The following SCTR variants were observed in gnomAD, a reference collection of about 807,000 sequenced individuals.
The protein encoded by SCTR is secretin receptor.
In SCTR, 56 loss-of-function variants were observed where a neutral mutation model predicts 60.8. The observed-to-expected ratio is 0.92, with a 90% CI of 0.74 to 1.15. The LOEUF (loss-of-function observed/expected upper bound fraction) is 1.15. Among genes scored for constraint, SCTR ranks in the 50% most tolerant of loss-of-function variants. The pLI is 0.00. For missense variants in SCTR, 562 were observed against 550.4 expected, an observed-to-expected ratio of 1.02 and a Z score of -0.21; for synonymous variants, 202 against 217.0, an observed-to-expected ratio of 0.93 and a Z score of 0.61.
intron 11 of SCTR, among the ~76,000 whole-genome samples, chr2:119,445,032 T>A (rs934973392): frequency 6.6e-6 from 1 of 150,902 alleles, no homozygotes; most frequent in Admixed American, 6.6e-5. Context: ...AAAGATCCTT[T>A]TTCTTCATCA....
intron 1 of SCTR, among the ~76,000 whole-genome samples, chr2:119,504,224 T>C (rs1489460040): frequency 1.3e-5 from 2 of 152,210 alleles, no homozygotes; most frequent in Non-Finnish European, 2.9e-5. Flanking sequence ...AAATGAACCT[T>C]GAGCTCAGTC....
chr2:119,481,975 C>T (rs1677629926), intron 2 of SCTR, among the ~76,000 whole-genome samples: 1 of 152,166 alleles, frequency 6.6e-6, no homozygotes, highest in South Asian at 2.1e-4. Context: ...CATGGCGGTG[C>T]CCCCAGTTCC....
At chr2:119,507,116 A>G (rs1295846635) in intron 1 of SCTR, among the ~76,000 whole-genome samples, 1 of 152,256 alleles carries the variant, frequency 6.6e-6, no homozygotes, top group Non-Finnish European at 1.5e-5. Flanking sequence ...AGACAACTTA[A>G]TTATCTGAGT....
chr2:119,469,504 T>TTTTTTTTGTTGG (rs1464080681), intron 4 of SCTR, among the ~76,000 whole-genome samples: 41 of 152,136 alleles, frequency 2.7e-4, no homozygotes, highest in African/African-American at 9.6e-4. Flanking sequence ...TTTTTGTTGG[T>TTTTTTTTGTTGG]TTTTGAGACA....
intron 2 of SCTR, among the ~76,000 whole-genome samples, chr2:119,493,136 C>T (rs1300148595): frequency 2.0e-5 from 3 of 152,192 alleles, no homozygotes; most frequent in South Asian, 2.1e-4. Context: ...GGATTACAGG[C>T]GTGAGCCACT....
chr2:119,459,537 T>C (rs913451965), intron 7 of SCTR, among the ~76,000 whole-genome samples: 1 of 152,146 alleles, frequency 6.6e-6, no homozygotes, highest in African/African-American at 2.4e-5. Flanking sequence ...GAAAAGGGCT[T>C]CTCACAGATA....
At chr2:119,497,988 AC>A (rs1011615700) in intron 1 of SCTR, among the ~76,000 whole-genome samples, 1 of 152,116 alleles carries the variant, frequency 6.6e-6, no homozygotes, top group Non-Finnish European at 1.5e-5. Flanking sequence ...ATGGCTGAAA[AC>A]TTCCCAAATT....
intron 2 of SCTR, chr2:119,485,829 TC>T (rs1411763880): frequency 6.6e-6 from 1 of 152,636 alleles, no homozygotes; most frequent in Non-Finnish European, 1.5e-5. Flanking sequence ...CATCCCTTTC[TC>T]CTCCCCAGAA....
chr2:119,451,403 G>T (rs1683164798), intron 9 of SCTR, among the ~76,000 whole-genome samples: 1 of 152,124 alleles, frequency 6.6e-6, no homozygotes, highest in Non-Finnish European at 1.5e-5. Flanking sequence ...AAAAAGAAAT[G>T]GAATCAATAG....
At chr2:119,476,028 T>C (rs544870972) in intron 3 of SCTR, among the ~76,000 whole-genome samples, 1 of 152,160 alleles carries the variant, frequency 6.6e-6, no homozygotes, top group East Asian at 1.9e-4. Flanking sequence ...CGGCCTGCGG[T>C]TTCTCCAGTC....
chr2:119,455,037 CTT>C lies in SCTR; in HGVS notation c.791-1692_791-1691del, dbSNP rs34554408. The stretch of plus-strand genomic sequence containing the variant: ...TTAAGCTAGATGTATGGCTCAGATT[CTT>C]TTTTTTTTAAGCAGAAATACTTAAA... On this transcript the variant is annotated intron_variant, in intron 7 of 12. Transcript: ENST00000019103. Among the ~76,000 whole-genome samples, 102 of 151,428 alleles carry C rather than the reference CTT, an allele frequency of 6.7e-4. 1 individual carries two copies. The highest frequency in any genetic ancestry group is 2.4e-3 in the African/African-American group (98 of 41,150).
intron 2 of SCTR, among the ~76,000 whole-genome samples, chr2:119,488,649 G>A (rs898988060): frequency 1.3e-5 from 2 of 152,242 alleles, no homozygotes; most frequent in Non-Finnish European, 2.9e-5. Flanking sequence ...GTTCGCAGAA[G>A]AGGCGCCACC....
chr2:119,449,414 C>CT lies in SCTR; in HGVS notation c.922-635dup, dbSNP rs920967683. On this transcript the variant is annotated intron_variant, in intron 9 of 12. Coordinates refer to ENST00000019103, the MANE Select transcript of SCTR (RefSeq NM_002980.3). ...TGCTGTGTAAGAGCACTTAAAATAT[C>CT]TTTTTTTTTCTTGCGAACTATGATT... Among the ~76,000 whole-genome samples, 12 of 148,700 alleles carry CT rather than the reference C, an allele frequency of 8.1e-5. No individual in the cohort carries two copies. The East Asian group carries it at 1.3e-3, about 17-fold the overall frequency.
intron 2 of SCTR, among the ~76,000 whole-genome samples, chr2:119,493,370 T>A (rs1678213217): frequency 6.6e-6 from 1 of 152,188 alleles, no homozygotes; most frequent in Non-Finnish European, 1.5e-5. Flanking sequence ...GTTATGAACA[T>A]CCATGTACAG....
At chr2:119,463,589 T>C (rs778619182) in intron 6 of SCTR, among the ~76,000 whole-genome samples, 1 of 152,202 alleles carries the variant, frequency 6.6e-6, no homozygotes, top group Non-Finnish European at 1.5e-5. Flanking sequence ...ATATATAGTT[T>C]TCTGTTATTC....
intron 3 of SCTR, among the ~76,000 whole-genome samples, chr2:119,475,584 C>A (rs538550356): frequency 6.9e-6 from 1 of 145,248 alleles, no homozygotes; most frequent in Non-Finnish European, 1.5e-5. Context: ...CTCAGGGGAC[C>A]CCTGAAAGGA....
rs1411610203 is a variant in SCTR at position 119,478,744 on chromosome 2, A to C, written c.301+67T>G. 8 of 1,493,834 alleles carry C rather than the reference A, an allele frequency of 5.4e-6. No individual in the cohort carries two copies. The East Asian group carries it at 1.8e-4, about 34-fold the overall frequency. 92.5% of individuals were successfully genotyped at this position (1,493,834 alleles called of 1,614,324 possible). A position where few individuals can be genotyped will look rare whatever the true frequency, so the allele number is the denominator to read the frequency against. On this transcript the variant is annotated intron_variant, in intron 3 of 12. Coordinates refer to ENST00000019103, the MANE Select transcript of SCTR (RefSeq NM_002980.3). ...AAGGTTCCTTGGCCTCCTGCCTCTA[A>C]GCTGAGGCCCCACCCAGAGGGACAC...
At chr2:119,512,063 G>A (rs1375302419) in intron 1 of SCTR, among the ~76,000 whole-genome samples, 1 of 152,004 alleles carries the variant, frequency 6.6e-6, no homozygotes, top group Non-Finnish European at 1.5e-5. Context: ...TTGAGGAAAT[G>A]GTTGTTTTTA....
chr2:119,522,582 C>T (rs1230819030), intron 1 of SCTR, among the ~76,000 whole-genome samples: 1 of 152,168 alleles, frequency 6.6e-6, no homozygotes, highest in African/African-American at 2.4e-5. Context: ...CCAAGTGAAG[C>T]CTCTCATTTT....
Sources: allele counts gnomAD v4.1 joint callset (sites outside exome capture counted in the v4.1 genomes callset), GRCh38; gene constraint gnomAD v4.1.1; transcripts MANE v1.5; gene names NCBI Gene and HGNC (gene_info 2026-07-23, HGNC 2026-07-21).